Variants in ABCC4 observed in about 807,000 individuals in gnomAD.
ABCC4 encodes the protein ATP-binding cassette sub-family C member 4.
In ABCC4, 102 loss-of-function variants were observed where a neutral mutation model predicts 168.5. The ratio of observed to expected loss-of-function variants is 0.61; its 90% CI spans 0.52 to 0.71. The LOEUF is 0.71. ABCC4 is among the 30% of genes least tolerant of loss of function. ABCC4 has a pLI of 0.00. For synonymous variants in ABCC4, 617 were observed against 590.7 expected (o/e 1.04, Z -0.65); for missense variants, 1,402 against 1,605.8 (o/e 0.87, Z 2.17).
At chr13:95,053,813 C>T (rs186753688) in intron 26 of ABCC4, 23 of 152,578 alleles carry the variant, frequency 1.5e-4, no homozygotes, top group Admixed American at 1.4e-3. Flanking sequence ...CCTGTCTCTA[C>T]TAAAAATACA....
At chr13:95,251,246 T>C (rs1422969186) in intron 1 of ABCC4, among the ~76,000 whole-genome samples, 1 of 152,124 alleles carries the variant, frequency 6.6e-6, no homozygotes, top group Non-Finnish European at 1.5e-5. Context: ...GTAAATCCCC[T>C]CACTTTCTCT....
intron 19 of ABCC4, among the ~76,000 whole-genome samples, chr13:95,130,764 T>C (rs1178725203): frequency 3.3e-5 from 5 of 152,202 alleles, no homozygotes; most frequent in African/African-American, 1.2e-4. Context: ...ATGGAGAATG[T>C]ATCTCCAAAC....
chr13:95,191,171 A>G (rs2038240212), intron 9 of ABCC4, among the ~76,000 whole-genome samples: 1 of 152,228 alleles, frequency 6.6e-6, no homozygotes, highest in Admixed American at 6.5e-5. Context: ...CCCAAAAGAC[A>G]GAAAGCACGG....
chr13:95,053,186 T>TA lies in ABCC4; in HGVS notation c.3367-3dup. 6.2e-7 allele frequency: 1 copy of TA among 1,613,714 alleles called. No homozygotes were observed. The highest frequency in any genetic ancestry group is 8.5e-7 in the Non-Finnish European group (1 of 1,179,590). On this transcript the variant is annotated splice_region_variant and splice_polypyrimidine_tract_variant and intron_variant, in intron 26 of 30. Coordinates refer to ENST00000645237, the MANE Select transcript of ABCC4 (RefSeq NM_005845.5). ...TGTTCCAGTGAACAAAACAGGTTCCTAAGTGCCCAAAATAGTCACGGTCAT... is the reference window on the plus strand; with the variant it reads ...TGTTCCAGTGAACAAAACAGGTTCCTAAAGTGCCCAAAATAGTCACGGTCAT...
At chr13:95,248,087 G>C (rs2040157229) in intron 1 of ABCC4, among the ~76,000 whole-genome samples, 1 of 152,060 alleles carries the variant, frequency 6.6e-6, no homozygotes, top group Non-Finnish European at 1.5e-5. Context: ...TCAAAGGCTG[G>C]GGCAGAAAAA....
At chr13:95,118,156 C>A (rs2035443059) in intron 19 of ABCC4, among the ~76,000 whole-genome samples, 1 of 152,186 alleles carries the variant, frequency 6.6e-6, no homozygotes, top group Admixed American at 6.5e-5. Context: ...CAACAATGAT[C>A]TCAGTGTAGA....
chr13:95,183,456 A>T (rs1228916539), intron 11 of ABCC4, among the ~76,000 whole-genome samples: 2 of 152,162 alleles, frequency 1.3e-5, no homozygotes, highest in African/African-American at 4.8e-5. Flanking sequence ...TGATCTCATA[A>T]CTCATTAAGA....
chr13:95,112,586 G>A (rs2035242570), intron 20 of ABCC4, among the ~76,000 whole-genome samples: 1 of 152,120 alleles, frequency 6.6e-6, no homozygotes, highest in South Asian at 2.1e-4. Context: ...TCTGGCTCAA[G>A]AATACCATCC....
chr13:95,236,598 G>GCA (rs1785860002), intron 3 of ABCC4, among the ~76,000 whole-genome samples: 1 of 139,964 alleles, frequency 7.1e-6, no homozygotes, highest in Non-Finnish European at 1.5e-5. Context: ...ACGCGCGCGT[G>GCA]CGCGCACACA....
chr13:95,162,008 A>G (rs1429855340), intron 18 of ABCC4, among the ~76,000 whole-genome samples: 1 of 152,242 alleles, frequency 6.6e-6, no homozygotes, highest in African/African-American at 2.4e-5. Context: ...TTATTCACAT[A>G]GAAATTAAAA....
intron 20 of ABCC4, among the ~76,000 whole-genome samples, chr13:95,103,220 A>G (rs2034876826): frequency 6.6e-6 from 1 of 152,086 alleles, no homozygotes; most frequent in Non-Finnish European, 1.5e-5. Flanking sequence ...AGCTGAGATC[A>G]CGCCACTGCA....
chr13:95,271,466 C>A (rs532951513), intron 1 of ABCC4, among the ~76,000 whole-genome samples: 6 of 152,144 alleles, frequency 3.9e-5, no homozygotes, highest in Admixed American at 1.3e-4. Flanking sequence ...TACAAAGAAG[C>A]CTACACAGAG....
intron 13 of ABCC4, among the ~76,000 whole-genome samples, chr13:95,174,945 A>G (rs908261229): frequency 2.6e-5 from 4 of 152,204 alleles, no homozygotes; most frequent in African/African-American, 9.7e-5. Context: ...ACAAGACATA[A>G]CATTTACCAT....
rs148082077 is a variant in ABCC4 at position 95,275,109 on chromosome 13, T to C, written c.74+26132A>G. Among the ~76,000 whole-genome samples, 206 of 152,342 alleles carry C rather than the reference T, an allele frequency of 1.4e-3. 1 individual carries two copies. The highest frequency in any genetic ancestry group is 4.8e-3 in the African/African-American group (200 of 41,574). The stretch of plus-strand genomic sequence containing the variant: ...AAAATAAAACAGGTTTTCATTTTAA[T>C]TTTTAACATATAAACCTCCACAGGA... On this transcript the variant is annotated intron_variant, in intron 1 of 30. Coordinates refer to ENST00000645237, the MANE Select transcript of ABCC4 (RefSeq NM_005845.5).
At chr13:95,182,498 A>G (rs1331344883) in intron 11 of ABCC4, among the ~76,000 whole-genome samples, 2 of 152,204 alleles carry the variant, frequency 1.3e-5, no homozygotes, top group African/African-American at 4.8e-5. Context: ...ATAAATATCA[A>G]TTCAAATAAT....
chr13:95,103,992 C>CCT lies in ABCC4; in HGVS notation c.2535+11929_2535+11930insAG, dbSNP rs1233611016. 2.2e-3 allele frequency among the ~76,000 whole-genome samples: 332 copies of CCT among 152,286 alleles called. 3 individuals are homozygous for CCT. Among genetic ancestry groups the CCT allele is most frequent in the African/African-American group, 5.7e-3 (237 of 41,566 alleles). On this transcript the variant is annotated intron_variant, in intron 20 of 30. Transcript: ENST00000645237. ...AATAACCAGGAAGCCTTACCAGCTT[C>CCT]CCCAAGCAGGGCAACAGACAAAGCC...
intron 25 of ABCC4, among the ~76,000 whole-genome samples, chr13:95,064,340 G>A (rs958603696): frequency 2.1e-5 from 3 of 144,146 alleles, no homozygotes. Flanking sequence ...AATTTCACAG[G>A]GATATTAATT....
At chr13:95,149,675 C>T (rs1470013032) in intron 19 of ABCC4, among the ~76,000 whole-genome samples, 2 of 152,138 alleles carry the variant, frequency 1.3e-5, no homozygotes, top group African/African-American at 4.8e-5. Flanking sequence ...TGCTGCTGAT[C>T]AAGGCGTGTG....
At chr13:95,130,533 CA>C (rs1030346417) in intron 19 of ABCC4, among the ~76,000 whole-genome samples, 3 of 152,078 alleles carry the variant, frequency 2.0e-5, no homozygotes, top group African/African-American at 7.2e-5. Context: ...CATACCGTGG[CA>C]AAACAAATTT....
Sources: allele counts gnomAD v4.1 joint callset (sites outside exome capture counted in the v4.1 genomes callset), GRCh38; gene constraint gnomAD v4.1.1; transcripts MANE v1.5; gene names NCBI Gene and HGNC (gene_info 2026-07-23, HGNC 2026-07-21).